The following C10orf67 variants were observed in gnomAD, a reference collection of about 807,000 sequenced individuals.
C10orf67 encodes the protein uncharacterized protein C10orf67, mitochondrial.
A neutral mutation model predicts 35.6 loss-of-function variants in C10orf67; 60 were observed. The observed-to-expected ratio is 1.68, with a 90% CI of 1.37 to 2.09. The LOEUF is 2.09. Among genes scored for constraint, C10orf67 ranks in the 30% most tolerant of loss-of-function variants. C10orf67 has a pLI of 0.00. For missense variants in C10orf67, 474 were observed against 330.2 expected, an observed-to-expected ratio of 1.44 and a Z score of -3.38; for synonymous variants, 167 against 115.8, an observed-to-expected ratio of 1.44 and a Z score of -2.84.
intron 2 of C10orf67, among the ~76,000 whole-genome samples, chr10:23,332,450 A>C (rs1231179968): frequency 6.6e-6 from 1 of 152,176 alleles, no homozygotes; most frequent in African/African-American, 2.4e-5. Flanking sequence ...TGGGAGGCTG[A>C]GGTGGGTGGA....
chr10:23,309,763 G>T (rs568607228), intron 4 of C10orf67, among the ~76,000 whole-genome samples: 1 of 152,146 alleles, frequency 6.6e-6, no homozygotes, highest in African/African-American at 2.4e-5. Flanking sequence ...TTCTGGATGG[G>T]CTCGGCCACT....
At chr10:23,249,114 G>C (rs1459008331) in intron 12 of C10orf67, among the ~76,000 whole-genome samples, 2 of 36,378 alleles carry the variant, frequency 5.5e-5, no homozygotes, top group East Asian at 1.6e-3. Context: ...TGGGCAACAA[G>C]AGCAAAAACT....
At chr10:23,216,361 A>T (rs1841429848) in intron 15 of C10orf67, among the ~76,000 whole-genome samples, 1 of 152,210 alleles carries the variant, frequency 6.6e-6, no homozygotes, top group Non-Finnish European at 1.5e-5. Context: ...GGCAACTCCA[A>T]GTGTTAGTAG....
At chr10:23,295,525 T>A (rs1843856395) in intron 5 of C10orf67, among the ~76,000 whole-genome samples, 1 of 152,230 alleles carries the variant, frequency 6.6e-6, no homozygotes, top group Non-Finnish European at 1.5e-5. Flanking sequence ...TACATGAATA[T>A]TTCTTCAAAG....
intron 12 of C10orf67, among the ~76,000 whole-genome samples, chr10:23,245,987 C>T (rs1024003027): frequency 2.0e-5 from 3 of 152,020 alleles, no homozygotes; most frequent in Non-Finnish European, 2.9e-5. Flanking sequence ...TAAAAAAATA[C>T]GGTACACATA....
intron 1 of C10orf67, among the ~76,000 whole-genome samples, chr10:23,344,254 G>A (rs1383460317): frequency 7.9e-6 from 1 of 125,922 alleles, no homozygotes; most frequent in Non-Finnish European, 1.7e-5. Context: ...AGGAAGTAGA[G>A]GAGGTGTGGA....
At chr10:23,281,418 A>T (rs1433826386) in intron 8 of C10orf67, among the ~76,000 whole-genome samples, 2 of 152,312 alleles carry the variant, frequency 1.3e-5, no homozygotes, top group East Asian at 3.9e-4. Flanking sequence ...ATTTTTTATT[A>T]TAATAAACAC....
rs1844120761 is a variant in C10orf67 at position 23,302,615 on chromosome 10, TC to T, written c.702+688del. Among the ~76,000 whole-genome samples, 3 of 152,310 alleles carry T rather than the reference TC, an allele frequency of 2.0e-5. No individual in the cohort carries two copies. The South Asian group carries it at 6.2e-4, about 32-fold the overall frequency. On this transcript the variant is annotated intron_variant, in intron 5 of 15. Transcript: ENST00000636213. Reference sequence around the variant, plus strand: ...ACTTAAGAATAAAATCCTCTCCAGCTCTGGACCATGGTTGGGCCTGGGACAT... The same window carrying T: ...ACTTAAGAATAAAATCCTCTCCAGCTTGGACCATGGTTGGGCCTGGGACAT...
chr10:23,326,644 A>C (rs764975118), intron 2 of C10orf67, among the ~76,000 whole-genome samples: 1 of 152,178 alleles, frequency 6.6e-6, no homozygotes, highest in Non-Finnish European at 1.5e-5. Flanking sequence ...TGTTTAAAGC[A>C]AACATCATGA....
chr10:23,211,479 G>GTGT lies in C10orf67; in HGVS notation c.1571-7225_1571-7224insACA, dbSNP rs55879902. Among the ~76,000 whole-genome samples the GTGT allele has an allele frequency of 3.1e-3, 367 of 118,884 alleles. 1 individual carries two copies. The highest frequency in any genetic ancestry group is 8.9e-3 in the African/African-American group (229 of 25,698). The allele number at this position is 118,884 out of a possible 152,430, so 78.0% of individuals were successfully genotyped here. On this transcript the variant is annotated intron_variant, in intron 15 of 15. Coordinates refer to ENST00000636213, the MANE Select transcript of C10orf67 (RefSeq NM_001371909.1). The stretch of plus-strand genomic sequence containing the variant: ...GCGGTGTGTGTGTGTGTGTGTGTGT[G>GTGT]GGGGGGGGGGGTATCACAATTCAAC...
At position 23,270,703 on chromosome 10, in the gene C10orf67, C is replaced by T. The variant is rs540763690; in HGVS notation, c.976-3449G>A. Among the ~76,000 whole-genome samples the T allele has an allele frequency of 7.2e-5, 11 of 152,330 alleles. No individual in the cohort carries two copies. In the South Asian group the frequency reaches 1.0e-3, roughly 14 times the overall value. The stretch of plus-strand genomic sequence containing the variant: ...TGGACCAAATTCCCAGGGGGAGAGG[C>T]GGCTGCCATCTCTACAGTTTGGTTG... On this transcript the variant is annotated intron_variant, in intron 8 of 15. Transcript: ENST00000636213.
intron 4 of C10orf67, among the ~76,000 whole-genome samples, chr10:23,313,292 T>A (rs982118059): frequency 6.6e-6 from 1 of 152,170 alleles, no homozygotes; most frequent in African/African-American, 2.4e-5. Context: ...TGCTGGAAAA[T>A]CAGACAATGG....
At chr10:23,215,613 A>G (rs1371890271) in intron 15 of C10orf67, among the ~76,000 whole-genome samples, 1 of 152,184 alleles carries the variant, frequency 6.6e-6, no homozygotes, top group Non-Finnish European at 1.5e-5. Context: ...ATCATCTGAC[A>G]GAAGAGGTAG....
chr10:23,301,832 G>A (rs868500349), intron 5 of C10orf67, among the ~76,000 whole-genome samples: 2 of 152,228 alleles, frequency 1.3e-5, no homozygotes, highest in Non-Finnish European at 2.9e-5. Context: ...GAAGAGAACC[G>A]TGGAACCCAG....
chr10:23,277,070 G>A (rs1249616380), intron 8 of C10orf67, among the ~76,000 whole-genome samples: 2 of 152,082 alleles, frequency 1.3e-5, no homozygotes, highest in Non-Finnish European at 2.9e-5. Flanking sequence ...CAAACCTTAG[G>A]GGTTCTGTGA....
intron 3 of C10orf67, among the ~76,000 whole-genome samples, chr10:23,321,400 T>A (rs892151694): frequency 4.1e-4 from 62 of 152,202 alleles, no homozygotes; most frequent in African/African-American, 1.5e-3. Context: ...TTTGTAGAGA[T>A]GGGGTATTGC....
chr10:23,211,423 T>C (rs766259737), intron 15 of C10orf67, among the ~76,000 whole-genome samples: 17 of 150,132 alleles, frequency 1.1e-4, no homozygotes, highest in Non-Finnish European at 2.2e-4. Context: ...CATAGGAGCC[T>C]GAGATTAAAG....
chr10:23,332,690 A>AT (rs1453240222), intron 2 of C10orf67, among the ~76,000 whole-genome samples: 7 of 151,188 alleles, frequency 4.6e-5, no homozygotes, highest in Non-Finnish European at 7.4e-5. Context: ...AAAAAAAAAA[A>AT]TTCAAAGAAA....
chr10:23,276,451 G>T (rs1212779687), intron 8 of C10orf67, among the ~76,000 whole-genome samples: 7 of 152,076 alleles, frequency 4.6e-5, no homozygotes, highest in Non-Finnish European at 8.8e-5. Context: ...AGCTCCCATT[G>T]TCATATAGTG....
Sources: gnomAD v4.1 joint callset for allele counts (sites outside exome capture counted in the v4.1 genomes callset) on GRCh38, gnomAD v4.1.1 for gene constraint, MANE v1.5 for transcripts, NCBI Gene and HGNC (gene_info 2026-07-23, HGNC 2026-07-21) for gene names.